Variants in NAV2 observed in about 807,000 individuals in gnomAD.
The protein encoded by NAV2 is neuron navigator 2.
Under a neutral mutation model 223.2 loss-of-function variants are expected in NAV2, and 54 were observed. That is an observed-to-expected ratio of 0.24 (90% CI 0.19 to 0.30). The LOEUF is 0.30. Ranked by LOEUF, NAV2 falls within the 10% of genes least tolerant of loss-of-function variation. NAV2 has a pLI of 1.00. For missense variants in NAV2, 2,806 were observed against 3,147.5 expected (o/e 0.89, Z 2.60); for synonymous variants, 1,279 against 1,239.3 (o/e 1.03, Z -0.67).
At chr11:19,776,572 G>A (rs1479432736) in intron 1 of NAV2, among the ~76,000 whole-genome samples, 2 of 140,864 alleles carry the variant, frequency 1.4e-5, no homozygotes, top group African/African-American at 5.6e-5. Flanking sequence ...GTGGGCTGGG[G>A]CAGGGGTGTG....
chr11:19,598,135 G>C (rs745786682), intron 1 of NAV2, among the ~76,000 whole-genome samples: 1 of 152,242 alleles, frequency 6.6e-6, no homozygotes, highest in African/African-American at 2.4e-5. Flanking sequence ...ATGGAAGAGC[G>C]GCTTTTGGGA....
At chr11:19,460,131 C>T (rs1411676171) in intron 1 of NAV2, among the ~76,000 whole-genome samples, 1 of 152,212 alleles carries the variant, frequency 6.6e-6, no homozygotes, top group Non-Finnish European at 1.5e-5. Flanking sequence ...GTCTTTAGAG[C>T]ACTCAGCATG....
At chr11:19,376,107 G>A (rs2133891196) in intron 1 of NAV2, among the ~76,000 whole-genome samples, 1 of 152,298 alleles carries the variant, frequency 6.6e-6, no homozygotes, top group East Asian at 1.9e-4. Context: ...ATGTCGCAGG[G>A]AAAAGGCAAG....
intron 1 of NAV2, among the ~76,000 whole-genome samples, chr11:19,356,126 A>C (rs1853600876): frequency 6.6e-6 from 1 of 152,202 alleles, no homozygotes; most frequent in Non-Finnish European, 1.5e-5. Context: ...CCTGACATGA[A>C]TGAAGGGAGT....
intron 10 of NAV2, among the ~76,000 whole-genome samples, chr11:19,962,191 G>A (rs1262241082): frequency 1.3e-5 from 2 of 151,632 alleles, no homozygotes; most frequent in Non-Finnish European, 2.9e-5. Flanking sequence ...TCTAAAGGCA[G>A]TCTTGAGGTA....
chr11:19,621,277 AT>A (rs1453031615), intron 1 of NAV2, among the ~76,000 whole-genome samples: 1 of 151,100 alleles, frequency 6.6e-6, no homozygotes, highest in Non-Finnish European at 1.5e-5. Flanking sequence ...TGGCCTCATA[AT>A]TAGGGTGGAT....
intron 11 of NAV2, among the ~76,000 whole-genome samples, chr11:20,015,021 AG>A (rs2053888838): frequency 6.6e-6 from 1 of 152,222 alleles, no homozygotes. Flanking sequence ...GCTTGAGCCC[AG>A]GAGTTTAAAG....
intron 3 of NAV2, among the ~76,000 whole-genome samples, chr11:19,868,100 T>C (rs1298004907): frequency 6.6e-6 from 1 of 152,066 alleles, no homozygotes; most frequent in Admixed American, 6.6e-5. Context: ...GGGGTGATTG[T>C]GGAGGGGAAT....
At chr11:19,812,860 C>G (rs10833178) in intron 1 of NAV2, among the ~76,000 whole-genome samples, 31,353 of 152,052 alleles carry the variant, frequency 0.21, 4,090 homozygotes, top group East Asian at 0.49. Flanking sequence ...TAAGAGGAGA[C>G]CAGAATTCAG....
At chr11:20,018,833 C>T (rs1020182676) in intron 11 of NAV2, among the ~76,000 whole-genome samples, 4 of 152,170 alleles carry the variant, frequency 2.6e-5, no homozygotes, top group African/African-American at 9.7e-5. Flanking sequence ...GAGGAAATCC[C>T]TGAGGAGGTG....
intron 1 of NAV2, among the ~76,000 whole-genome samples, chr11:19,653,522 G>A (rs145105229): frequency 0.011 from 1,649 of 152,286 alleles, 38 homozygotes; most frequent in African/African-American, 0.038. Context: ...CTCAGGTGAT[G>A]CAGCTTATCC....
intron 1 of NAV2, among the ~76,000 whole-genome samples, chr11:19,405,411 G>A (rs1466245537): frequency 1.3e-5 from 2 of 152,156 alleles, no homozygotes; most frequent in Non-Finnish European, 2.9e-5. Flanking sequence ...CATGATAAAT[G>A]ATCCCTTCCT....
chr11:19,489,521 C>A (rs1208783377), intron 1 of NAV2, among the ~76,000 whole-genome samples: 1 of 152,162 alleles, frequency 6.6e-6, no homozygotes, highest in East Asian at 1.9e-4. Context: ...GTTCTTCATC[C>A]ATTAAATGAG....
At chr11:19,712,701 C>CGGCGGCGGCCAGAGTTTA (rs1444596091), upstream of NAV2, 1 of 151,336 alleles carries the variant, frequency 6.6e-6, no homozygotes, top group Non-Finnish European at 1.5e-5. Context: ...CCCAGAGTTT[C>CGGCGGCGGCCAGAGTTTA]GGCGGCGGCC....
At chr11:19,672,059 G>A (rs929266400) in intron 1 of NAV2, among the ~76,000 whole-genome samples, 14 of 152,208 alleles carry the variant, frequency 9.2e-5, no homozygotes, top group African/African-American at 3.4e-4. Context: ...AGTTGAGTAA[G>A]AATGAGAAAT....
intron 1 of NAV2, among the ~76,000 whole-genome samples, chr11:19,766,743 T>C (rs1442270266): frequency 6.6e-6 from 1 of 152,180 alleles, no homozygotes; most frequent in Non-Finnish European, 1.5e-5. Flanking sequence ...CACTTGGGAA[T>C]GGCAACTAGA....
intron 1 of NAV2, among the ~76,000 whole-genome samples, chr11:19,369,502 G>C (rs1026598508): frequency 6.6e-6 from 1 of 152,270 alleles, no homozygotes; most frequent in African/African-American, 2.4e-5. Context: ...AACCAGGCCT[G>C]TTCATGGAGA....
At chr11:20,039,387 C>G (rs556768948) in intron 12 of NAV2, among the ~76,000 whole-genome samples, 1 of 152,242 alleles carries the variant, frequency 6.6e-6, no homozygotes, top group South Asian at 2.1e-4. Context: ...TCAGAAGTTA[C>G]TTTCTTTCCT....
At chr11:19,666,444 A>G (rs1206031800) in intron 1 of NAV2, among the ~76,000 whole-genome samples, 1 of 152,222 alleles carries the variant, frequency 6.6e-6, no homozygotes, top group African/African-American at 2.4e-5. Flanking sequence ...CGTAGGCAGC[A>G]GAAAATAACC....
Sources: allele counts gnomAD v4.1 joint callset (sites outside exome capture counted in the v4.1 genomes callset), GRCh38; gene constraint gnomAD v4.1.1; transcripts MANE v1.5; gene names NCBI Gene and HGNC (gene_info 2026-07-23, HGNC 2026-07-21).